MORC1: variants seen among roughly 807,000 people sequenced by gnomAD.
MORC1 encodes the protein MORC family CW-type zinc finger 1, also known as MORC family CW-type zinc finger protein 1.
A neutral mutation model predicts 134.9 loss-of-function variants in MORC1; 59 were observed. That is an observed-to-expected ratio of 0.44 (90% CI 0.35 to 0.54). MORC1 has a LOEUF of 0.54. MORC1 is among the 20% of genes least tolerant of loss of function. MORC1 has a pLI of 0.00. For missense variants in MORC1, 947 were observed against 1,134.5 expected (o/e 0.83, Z 2.37); for synonymous variants, 395 against 391.7 (o/e 1.01, Z -0.10).
chr3:108,965,937 C>G lies in MORC1; in HGVS notation c.2605-2329G>C, dbSNP rs536959081. Reference sequence around the variant, plus strand: ...TTACCTTTTAGTAACCAGTAAACTACGTTTTTATCAAATTCTACAGGCCAG... The same window carrying G: ...TTACCTTTTAGTAACCAGTAAACTAGGTTTTTATCAAATTCTACAGGCCAG... On this transcript the variant is annotated intron_variant, in intron 26 of 27. Transcript: ENST00000232603. Among the ~76,000 whole-genome samples, 5 of 152,246 alleles carry G rather than the reference C, an allele frequency of 3.3e-5. No homozygotes were observed. The East Asian group carries it at 9.6e-4, about 29-fold the overall frequency.
intron 13 of MORC1, among the ~76,000 whole-genome samples, chr3:109,055,625 C>T (rs1949941340): frequency 6.6e-6 from 1 of 152,196 alleles, no homozygotes; most frequent in Non-Finnish European, 1.5e-5. Context: ...TCTACTGCCC[C>T]TCCTAAATGC....
chr3:109,076,258 T>C (rs1198007339), intron 8 of MORC1, among the ~76,000 whole-genome samples: 1 of 151,966 alleles, frequency 6.6e-6, no homozygotes, highest in Non-Finnish European at 1.5e-5. Flanking sequence ...ATTAGAGAAA[T>C]GCAAATCAAA....
In MORC1 at chr3:109,069,701, C is replaced by T. The variant is rs367637538; in HGVS notation, c.746G>A (p.Trp249Ter). The part of the protein sequence containing the change: ...AYTSVLYFNP[W>*]MRIFIQAKRV... Reference sequence around the variant, plus strand: ...CTTGGCTTGAATGAATATTCTCATCCATGGGTTAAAATACAGAACAGATGT... The same window carrying T: ...CTTGGCTTGAATGAATATTCTCATCTATGGGTTAAAATACAGAACAGATGT... Residue 249 changes from tryptophan (W) to a stop codon, truncating the protein, a stop_gained, in exon 9 of 28, where the codon TGG (tryptophan) becomes TAG (stop). Coordinates refer to ENST00000232603, the MANE Select transcript of MORC1 (RefSeq NM_014429.4). LOFTEE classifies it high-confidence loss of function. 1 of 1,612,800 alleles carries T rather than the reference C, an allele frequency of 6.2e-7. No homozygotes were observed. The highest frequency in any genetic ancestry group is 2.2e-5 in the East Asian group (1 of 44,830).
intron 26 of MORC1, 118 bp downstream of exon 26, chr3:108,969,551 G>C: frequency 2.0e-6 from 2 of 1,014,946 alleles, no homozygotes; most frequent in South Asian, 2.8e-5. Context: ...TCTAAGTCTC[G>C]ATAAGTGAAT....
At chr3:109,108,044 A>G (rs144789731) in intron 3 of MORC1, among the ~76,000 whole-genome samples, 82 of 152,188 alleles carry the variant, frequency 5.4e-4, no homozygotes, top group African/African-American at 1.9e-3. Flanking sequence ...TAAAAATACA[A>G]AACTTAGCCG....
At chr3:109,039,974 G>A (rs558024908) in intron 14 of MORC1, among the ~76,000 whole-genome samples, 5 of 152,100 alleles carry the variant, frequency 3.3e-5, no homozygotes, top group Admixed American at 2.0e-4. Flanking sequence ...GCTACATGTA[G>A]AGAGGAAATT....
At chr3:109,092,536 A>C (rs1318489403) in intron 8 of MORC1, among the ~76,000 whole-genome samples, 1 of 152,184 alleles carries the variant, frequency 6.6e-6, no homozygotes, top group African/African-American at 2.4e-5. Context: ...TGTATGTTGC[A>C]ACACACACAC....
intron 27 of MORC1, among the ~76,000 whole-genome samples, chr3:108,962,877 G>T (rs1489694732): frequency 6.6e-6 from 1 of 152,002 alleles, no homozygotes; most frequent in Non-Finnish European, 1.5e-5. Context: ...CTCCAAAACT[G>T]TCCTCTAAGA....
chr3:109,093,411 A>C (rs909524243), intron 8 of MORC1, 25 bp downstream of exon 8: 2 of 1,573,350 alleles, frequency 1.3e-6, no homozygotes, highest in Non-Finnish European at 1.7e-6. Flanking sequence ...ATTGTTGAAA[A>C]ACATTCTGTC....
At chr3:108,972,428 A>T (rs756993702) in intron 24 of MORC1, among the ~76,000 whole-genome samples, 25 of 152,212 alleles carry the variant, frequency 1.6e-4, no homozygotes, top group Non-Finnish European at 3.7e-4. Flanking sequence ...CCATACTTTA[A>T]GTATATTATT....
chr3:109,045,635 A>C (rs1949677850), intron 14 of MORC1, among the ~76,000 whole-genome samples: 1 of 152,186 alleles, frequency 6.6e-6, no homozygotes, highest in Non-Finnish European at 1.5e-5. Flanking sequence ...TGAAGTGAAA[A>C]AAAGCAAGAC....
intron 8 of MORC1, among the ~76,000 whole-genome samples, chr3:109,075,387 G>A (rs547038760): frequency 3.3e-5 from 5 of 152,244 alleles, no homozygotes; most frequent in East Asian, 3.9e-4. Context: ...CCATGCCTAC[G>A]TCCTGAATGG....
chr3:109,059,986 T>G, intron 11 of MORC1, 116 bp from the exon 12 acceptor site: 1 of 749,428 alleles, frequency 1.3e-6, no homozygotes, highest in Non-Finnish European at 2.1e-6. Flanking sequence ...CATTACCTAA[T>G]GCAATTCTAC....
chr3:109,117,949 C>T (rs901582438), intron 1 of MORC1, 46 bp downstream of exon 1: 3 of 1,474,692 alleles, frequency 2.0e-6, no homozygotes, highest in Non-Finnish European at 2.8e-6. Context: ...TTCTTCATGG[C>T]GGGCGCAGAG....
intron 8 of MORC1, among the ~76,000 whole-genome samples, chr3:109,073,324 C>T (rs1950357850): frequency 6.6e-6 from 1 of 152,188 alleles, no homozygotes; most frequent in South Asian, 2.1e-4. Context: ...GCCATAGCTC[C>T]TTATCTGCTG....
At chr3:108,963,173 G>A (rs547494971) in intron 27 of MORC1, among the ~76,000 whole-genome samples, 1 of 138,066 alleles carries the variant, frequency 7.2e-6, no homozygotes, top group African/African-American at 2.8e-5. Flanking sequence ...TGGCAACACA[G>A]CAAGACTCCA....
At chr3:109,092,623 T>C (rs910975180) in intron 8 of MORC1, among the ~76,000 whole-genome samples, 2 of 152,208 alleles carry the variant, frequency 1.3e-5, no homozygotes, top group Non-Finnish European at 2.9e-5. Context: ...TAAATGACAA[T>C]ATTTTAGATA....
intron 13 of MORC1, 91 bp from the exon 14 acceptor site, chr3:109,054,973 CA>C: frequency 8.6e-7 from 1 of 1,159,810 alleles, no homozygotes; most frequent in Non-Finnish European, 1.2e-6. Flanking sequence ...TTTTTTTTTT[CA>C]AAAATAAATT....
At chr3:109,107,449 T>G (rs552596835) in intron 3 of MORC1, among the ~76,000 whole-genome samples, 1 of 151,980 alleles carries the variant, frequency 6.6e-6, no homozygotes, top group East Asian at 1.9e-4. Flanking sequence ...TTCTTAAGAG[T>G]GTAAACGCAG....
Sources: allele counts gnomAD v4.1 joint callset (sites outside exome capture counted in the v4.1 genomes callset), GRCh38; gene constraint gnomAD v4.1.1; transcripts MANE v1.5; gene names NCBI Gene and HGNC (gene_info 2026-07-23, HGNC 2026-07-21).